MBD6: variants seen among roughly 807,000 people sequenced by gnomAD.
MBD6 encodes the protein methyl-CpG binding domain protein 6.
Under a neutral mutation model 66.8 loss-of-function variants are expected in MBD6, and 22 were observed. That is an observed-to-expected ratio of 0.33 (90% CI 0.24 to 0.47). The LOEUF is 0.47. Ranked by LOEUF, MBD6 falls within the 20% of genes least tolerant of loss-of-function variation. MBD6 has a pLI of 1.00. For synonymous variants in MBD6, 540 were observed against 534.6 expected (o/e 1.01, Z -0.14); for missense variants, 1,322 against 1,286.9 (o/e 1.03, Z -0.42).
downstream of MBD6, among the ~76,000 whole-genome samples, chr12:57,531,240 G>A (rs541123738): frequency 2.6e-5 from 4 of 152,224 alleles, no homozygotes; most frequent in Admixed American, 2.0e-4. Context: ...TGGGACTTGC[G>A]GCCAGGTGCA....
upstream of MBD6, chr12:57,522,024 C>G (rs3847699): frequency 0.67 from 101,800 of 151,730 alleles, 39,211 homozygotes; most frequent in Non-Finnish European, 0.86. Context: ...ACGCACCACC[C>G]AGAATGCAAA....
At position 57,524,378 on chromosome 12, in the gene MBD6, G is replaced by A; in HGVS notation, c.75G>A (p.Trp25Ter). Reference sequence around the variant, plus strand: ...TGGCCACATCTGTCCCCATCGGCTGGCAGCGCTGTGTGCGAGAGGGTGCTG... The same window carrying A: ...TGGCCACATCTGTCCCCATCGGCTGACAGCGCTGTGTGCGAGAGGGTGCTG... Reference protein sequence around the residue: ...GPVATSVPIGWQRCVREGAVL... With the variant: ...GPVATSVPIG The change falls in exon 3 of 13, where the codon TGG becomes TGA. Residue 25 changes from tryptophan (W) to a stop codon, truncating the protein, a stop_gained. Coordinates refer to ENST00000355673, the MANE Select transcript of MBD6 (RefSeq NM_052897.4). LOFTEE classifies it high-confidence loss of function. 6.3e-7 allele frequency: 1 copy of A among 1,599,904 alleles called. No homozygotes were observed. Among genetic ancestry groups the A allele is most frequent in the Non-Finnish European group, 8.5e-7 (1 of 1,172,974 alleles).
Position 57,529,421 on chromosome 12 carries a change from C to CT in MBD6, c.*187_*188insT, listed in dbSNP as rs1879382483. 2.0e-5 allele frequency: 11 copies of CT among 540,468 alleles called. No individual in the cohort carries two copies. In the East Asian group the frequency reaches 3.4e-4, roughly 17 times the overall value. The allele number at this position is 540,468 out of a possible 1,614,324, so 33.5% of individuals were successfully genotyped here. On this transcript the variant is annotated 3_prime_UTR_variant, in exon 13 of 13. Transcript: ENST00000355673. ...ATTGCAGGGGGCAGGGAAGTTCACCCCCCCCCACCACCCCCCCGCCCCCCC... is the reference window on the plus strand; with the variant it reads ...ATTGCAGGGGGCAGGGAAGTTCACCCTCCCCCCACCACCCCCCCGCCCCCCC...
rs1017280117 is a variant in MBD6 at position 57,526,117 on chromosome 12, C to A, written c.1149C>A (p.Thr383=). 1.9e-6 allele frequency: 3 copies of A among 1,613,956 alleles called. No individual in the cohort carries two copies. Among genetic ancestry groups the A allele is most frequent in the African/African-American group, 1.3e-5 (1 of 74,870 alleles). Residue 383 remains threonine (T), a synonymous_variant, in exon 6 of 13, where the codon ACC becomes ACA. Coordinates refer to ENST00000355673, the MANE Select transcript of MBD6 (RefSeq NM_052897.4). ...TGCTAGAAGGGAGAGGCCCTCAAAC[C>A]CCTAGACGGAGCCGTCCTCGGGCCC... is the stretch of plus-strand genomic sequence containing the variant. ...FRLLEGRGPQ[T]PRRSRPRAPA... is the part of the protein sequence containing the mutation.
chr12:57,527,541 C>T lies in MBD6; in HGVS notation c.2117C>T (p.Pro706Leu). The T allele has an allele frequency of 6.2e-7, 1 of 1,614,138 alleles. No homozygotes were observed. The highest frequency in any genetic ancestry group is 8.5e-7 in the Non-Finnish European group (1 of 1,180,016). ...CTGAGTGCCCCCCAACCTGGACCAC[C>T]TACCTCCAGTGTCACCACGGCAACT... ...CVLSAPQPGP[P>L]TSSVTTATTD... The change falls in exon 8 of 13, where the codon CCT becomes CTT. Residue 706 changes from proline to leucine, a missense_variant. Transcript: ENST00000355673.
chr12:57,524,335 A>G lies in MBD6; in HGVS notation c.32A>G (p.Asp11Gly), dbSNP rs1281396067. The G allele has an allele frequency of 1.3e-6, 2 of 1,584,942 alleles. No homozygotes were observed. Among genetic ancestry groups the G allele is most frequent in the Non-Finnish European group, 1.7e-6 (2 of 1,167,478 alleles). ...GGGGGCAATGAGAGCAGTGGAGCAG[A>G]CAGAGCTGGGGGCCCTGTGGCCACA... is the stretch of plus-strand genomic sequence containing the variant. MNGGNESSGA[D>G]RAGGPVATSV... The change falls in exon 3 of 13, where the codon GAC becomes GGC. Residue 11 changes from aspartate to glycine, a missense_variant. Asp to Gly is a moderately conservative substitution (Grantham distance 94). Coordinates refer to ENST00000355673, the MANE Select transcript of MBD6 (RefSeq NM_052897.4).
In MBD6 at chr12:57,525,549, C is replaced by G; in HGVS notation, c.581C>G (p.Pro194Arg). The change falls in exon 6 of 13, where the codon CCT becomes CGT. Residue 194 changes from proline to arginine, a missense_variant. Transcript: ENST00000355673. ...LFPPRLADPV[P>R]SGGSSSPRFL... ...CCCCCAAGGCTTGCTGACCCAGTCC[C>G]TTCTGGGGGCAGTAGCAGCCCCCGT... The G allele has an allele frequency of 6.2e-7, 1 of 1,606,876 alleles. No homozygotes were observed. Among genetic ancestry groups the G allele is most frequent in the Non-Finnish European group, 8.5e-7 (1 of 1,176,252 alleles).
At chr12:57,524,604 A>G (rs772036423) in intron 3 of MBD6, 116 bp from the exon 4 acceptor site, 1 of 1,135,592 alleles carries the variant, frequency 8.8e-7, no homozygotes, top group Admixed American at 1.9e-5. Flanking sequence ...GTGTCTTCCC[A>G]CATTCCTTAT....
Position 57,529,443 on chromosome 12 carries a change from C to A in MBD6, c.*209C>A. ...ACCCCCCCCCACCACCCCCCCGCCC[C>A]CCCGAAGCCATGTCACTGAAAAGGC... On this transcript the variant is annotated 3_prime_UTR_variant, in exon 13 of 13. Coordinates refer to ENST00000355673, the MANE Select transcript of MBD6 (RefSeq NM_052897.4). The A allele has an allele frequency of 1.8e-6, 1 of 565,478 alleles. No homozygotes were observed. The highest frequency in any genetic ancestry group is 2.9e-5 in the East Asian group (1 of 34,084). 35.0% of individuals were successfully genotyped at this position (565,478 alleles called of 1,614,324 possible). A position where few individuals can be genotyped will look rare whatever the true frequency, so the allele number is the denominator to read the frequency against.
rs758882640 is a variant in MBD6, at chr12:57,526,267, G to T, written c.1299G>T (p.Leu433Phe). 6 of 1,613,642 alleles carry T rather than the reference G, an allele frequency of 3.7e-6. No homozygotes were observed. The highest frequency in any genetic ancestry group is 4.5e-5 in the East Asian group (2 of 44,822). Reference protein sequence around the residue: ...PSHSDGSFNLLGSDAHLPPPP... With the variant: ...PSHSDGSFNLFGSDAHLPPPP... ...ACTCTGATGGAAGCTTTAACCTTTT[G>T]GGGTCAGATGCACACCTTCCTCCTC... The change falls in exon 6 of 13, where the codon TTG becomes TTT. Residue 433 changes from leucine (L) to phenylalanine (F), a missense_variant. Leu to Phe is a conservative substitution (Grantham distance 22). Transcript: ENST00000355673.
chr12:57,525,300 T>C (rs1878798516), intron 5 of MBD6, 48 bp from the exon 6 acceptor site: 2 of 1,529,336 alleles, frequency 1.3e-6, no homozygotes, highest in Admixed American at 2.2e-5. Flanking sequence ...CAAAAGAGTT[T>C]TTGGAAGGGG....
chr12:57,529,457 C>T lies in MBD6; in HGVS notation c.*223C>T. On this transcript the variant is annotated 3_prime_UTR_variant, in exon 13 of 13. Transcript: ENST00000355673. ...CCCCCCCGCCCCCCCGAAGCCATGT[C>T]ACTGAAAAGGCCTGGGGGGGATGGT... is the stretch of plus-strand genomic sequence containing the variant. 1 of 551,064 alleles carries T rather than the reference C, an allele frequency of 1.8e-6. No individual in the cohort carries two copies. The highest frequency in any genetic ancestry group is 3.0e-5 in the East Asian group (1 of 32,930). 34.1% of individuals were successfully genotyped at this position (551,064 alleles called of 1,614,324 possible).
Position 57,529,446 on chromosome 12 carries a change from C to A in MBD6, c.*212C>A. 1.8e-6 allele frequency: 1 copy of A among 545,232 alleles called. No individual in the cohort carries two copies. The highest frequency in any genetic ancestry group is 3.3e-6 in the Non-Finnish European group (1 of 307,410). 33.8% of individuals were successfully genotyped at this position (545,232 alleles called of 1,614,324 possible). ...CCCCCCCACCACCCCCCCGCCCCCC[C>A]GAAGCCATGTCACTGAAAAGGCCTG... On this transcript the variant is annotated 3_prime_UTR_variant, in exon 13 of 13. Coordinates refer to ENST00000355673, the MANE Select transcript of MBD6 (RefSeq NM_052897.4).
In MBD6 at chr12:57,525,854, C is replaced by A. The variant is rs964335808; in HGVS notation, c.886C>A (p.His296Asn). The change falls in exon 6 of 13, where the codon CAC becomes AAC. Residue 296 changes from histidine to asparagine, a missense_variant. By Grantham distance (68) the His-to-Asn change is moderately conservative. Coordinates refer to ENST00000355673, the MANE Select transcript of MBD6 (RefSeq NM_052897.4). ...GCCACCAGTGTCTTCAGCCACTATG[C>A]ACCTGCCCCTGGTCCTGGGGCCCCT... ...SQPPVSSATM[H>N]LPLVLGPLGG... 16 of 1,613,186 alleles carry A rather than the reference C, an allele frequency of 9.9e-6. No homozygotes were observed. The highest frequency in any genetic ancestry group is 2.2e-5 in the South Asian group (2 of 91,034).
chr12:57,530,631 C>T, downstream of MBD6: 3 of 1,427,824 alleles, frequency 2.1e-6, no homozygotes, highest in Non-Finnish European at 2.9e-6. Context: ...CCTATGTAAG[C>T]TGTTAACAGA....
chr12:57,526,486 G>C, intron 6 of MBD6, 80 bp from the exon 7 acceptor site: 1 of 1,512,062 alleles, frequency 6.6e-7, no homozygotes, highest in East Asian at 2.3e-5. Flanking sequence ...GGTTTTCTGG[G>C]TTGGGGGCAG....
chr12:57,523,355 T>G (rs576879406), intron 1 of MBD6: 1 of 152,152 alleles, frequency 6.6e-6, no homozygotes, highest in East Asian at 1.9e-4. Flanking sequence ...ATGGTGAGGC[T>G]GGGGAGGATA....
chr12:57,530,570 C>T (rs1167167974), downstream of MBD6: 1 of 853,248 alleles, frequency 1.2e-6, no homozygotes, highest in Non-Finnish European at 1.9e-6. Context: ...AGAACCCTTG[C>T]CCCCAGTGTC....
upstream of MBD6, among the ~76,000 whole-genome samples, chr12:57,522,562 G>C (rs553899449): frequency 1.3e-5 from 2 of 151,662 alleles, no homozygotes; most frequent in Non-Finnish European, 3.0e-5. Context: ...CGCGGAGGGC[G>C]GGGGGGCCGC....
Sources: allele counts gnomAD v4.1 joint callset (sites outside exome capture counted in the v4.1 genomes callset), GRCh38; gene constraint gnomAD v4.1.1; transcripts MANE v1.5; gene names NCBI Gene and HGNC (gene_info 2026-07-23, HGNC 2026-07-21).